The following CNTNAP3B variants were observed in gnomAD, a reference collection of about 807,000 sequenced individuals.
CNTNAP3B encodes contactin associated protein family member 3B.
In CNTNAP3B, 25 loss-of-function variants were observed where a neutral mutation model predicts 108.9. The observed-to-expected ratio is 0.23, with a 90% CI of 0.17 to 0.32. CNTNAP3B has a LOEUF of 0.32. Among genes scored for constraint, CNTNAP3B ranks in the 10% least tolerant of loss-of-function variants. The probability of loss-of-function intolerance (pLI) is 1.00; values close to 1 mark genes in which losing one functional copy is unlikely to be tolerated. For missense variants in CNTNAP3B, 252 were observed against 1,210.4 expected (o/e 0.21, Z 11.75); for synonymous variants, 103 against 473.4 (o/e 0.22, Z 10.16).
intron 16 of CNTNAP3B, among the ~76,000 whole-genome samples, chr9:41,923,573 T>C (rs1312632468): frequency 1.2e-4 from 18 of 152,278 alleles, no homozygotes; most frequent in Non-Finnish European, 1.9e-4. Context: ...ACCAGCCTGG[T>C]CAACATGGCA....
At chr9:41,929,907 C>A (rs1471455584) in intron 14 of CNTNAP3B, among the ~76,000 whole-genome samples, 1 of 152,030 alleles carries the variant, frequency 6.6e-6, no homozygotes, top group East Asian at 1.9e-4. Context: ...GTTATTAATT[C>A]CTGACCCGTT....
chr9:41,932,426 T>G (rs540429970), intron 14 of CNTNAP3B, among the ~76,000 whole-genome samples: 2 of 151,934 alleles, frequency 1.3e-5, no homozygotes, highest in East Asian at 3.9e-4. Context: ...GCCAGGGAAC[T>G]TTATTTAAGG....
chr9:42,079,798 G>T (rs1390001046), intron 2 of CNTNAP3B, among the ~76,000 whole-genome samples: 2 of 138,694 alleles, frequency 1.4e-5, no homozygotes, highest in Non-Finnish European at 3.1e-5. Flanking sequence ...GGGATTACAG[G>T]CATGAGGCAC....
At chr9:42,070,745 T>A (rs1310311251) in intron 3 of CNTNAP3B, among the ~76,000 whole-genome samples, 1 of 152,178 alleles carries the variant, frequency 6.6e-6, no homozygotes, top group Non-Finnish European at 1.5e-5. Flanking sequence ...CTCCAACCTC[T>A]GACCTTCCTT....
intron 1 of CNTNAP3B, among the ~76,000 whole-genome samples, chr9:42,122,742 G>A (rs1358711490): frequency 7.3e-6 from 1 of 137,102 alleles, no homozygotes; most frequent in Non-Finnish European, 1.6e-5. Context: ...CCAACTGGGA[G>A]ACACCTTAAA....
intron 2 of CNTNAP3B, among the ~76,000 whole-genome samples, chr9:42,080,417 T>C (rs1587255854): frequency 7.2e-6 from 1 of 139,566 alleles, no homozygotes; most frequent in South Asian, 2.3e-4. Context: ...CCAGATGCAT[T>C]TTAAGGGTAA....
Position 42,112,752 on chromosome 9 carries a change from A to C in CNTNAP3B, c.86-8013T>G, listed in dbSNP as rs1375220358. The stretch of plus-strand genomic sequence containing the variant: ...GTTTTCAAATGACTTACAGCACTAC[A>C]AATATAAAGTTATAACAACAGTATA... On this transcript the variant is annotated intron_variant, in intron 1 of 23. Transcript: ENST00000377561. 4.4e-5 allele frequency among the ~76,000 whole-genome samples: 6 copies of C among 137,568 alleles called. 1 individual carries two copies. The highest frequency in any genetic ancestry group is 1.5e-4 in the Admixed American group (2 of 13,746). 90.2% of individuals were successfully genotyped at this position (137,568 alleles called of 152,430 possible).
chr9:41,952,570 G>A (rs1373136539), intron 13 of CNTNAP3B, among the ~76,000 whole-genome samples: 4 of 152,200 alleles, frequency 2.6e-5, no homozygotes, highest in Admixed American at 2.0e-4. Flanking sequence ...CTTAGGAGAA[G>A]ACGGTTTTGA....
At chr9:42,041,690 A>C (rs1469738692) in intron 3 of CNTNAP3B, among the ~76,000 whole-genome samples, 1 of 141,928 alleles carries the variant, frequency 7.0e-6, no homozygotes, top group East Asian at 2.1e-4. Flanking sequence ...CAATTCCTCA[A>C]GGATCTAGAA....
In CNTNAP3B at chr9:42,129,264, G is replaced by A. The variant is rs1413774132; in HGVS notation, c.-170C>T. The A allele has an allele frequency of 5.3e-6, 5 of 939,172 alleles. No homozygotes were observed. The highest frequency in any genetic ancestry group is 2.5e-5 in the South Asian group (1 of 39,362). 58.2% of individuals were successfully genotyped at this position (939,172 alleles called of 1,614,324 possible). A position where few individuals can be genotyped will look rare whatever the true frequency, so the allele number is the denominator to read the frequency against. On this transcript the variant is annotated 5_prime_UTR_variant, in exon 1 of 24. Transcript: ENST00000377561. Reference sequence around the variant, plus strand: ...TCACGCACTGGCAGCCTCCCTCGGCGCTGCAGACCCTCCCGCCAAGCCGCG... The same window carrying A: ...TCACGCACTGGCAGCCTCCCTCGGCACTGCAGACCCTCCCGCCAAGCCGCG...
At chr9:42,110,376 G>T (rs1828171810) in intron 1 of CNTNAP3B, among the ~76,000 whole-genome samples, 1 of 137,266 alleles carries the variant, frequency 7.3e-6, no homozygotes, top group Admixed American at 7.3e-5. Flanking sequence ...GGAACCTAAG[G>T]ATGGAAGGAG....
intron 1 of CNTNAP3B, among the ~76,000 whole-genome samples, chr9:42,122,186 T>C (rs1828477512): frequency 7.1e-6 from 1 of 140,154 alleles, no homozygotes; most frequent in Non-Finnish European, 1.5e-5. Context: ...CTTATTTTTA[T>C]ATATGAAGAA....
chr9:41,929,215 C>A, intron 15 of CNTNAP3B, 102 bp downstream of exon 15: 1 of 1,430,710 alleles, frequency 7.0e-7, no homozygotes, highest in East Asian at 2.6e-5. Flanking sequence ...AGTCCTAGTA[C>A]TGCCACTATT....
intron 15 of CNTNAP3B, among the ~76,000 whole-genome samples, chr9:41,928,507 T>C (rs1823881697): frequency 6.6e-6 from 1 of 152,104 alleles, no homozygotes; most frequent in Non-Finnish European, 1.5e-5. Context: ...GCCTACACGA[T>C]TGGCTACAGA....
intron 12 of CNTNAP3B, chr9:41,959,945 G>T (rs1176918201): frequency 1.3e-5 from 2 of 152,230 alleles, no homozygotes; most frequent in African/African-American, 4.8e-5. Flanking sequence ...CTATTTAAAA[G>T]GCGTTCTAGT....
Position 41,986,186 on chromosome 9 carries a change from C to A in CNTNAP3B, c.1459G>T (p.Asp487Tyr). 8.8e-7 allele frequency: 1 copy of A among 1,130,268 alleles called. No individual in the cohort carries two copies. 70.0% of individuals were successfully genotyped at this position (1,130,268 alleles called of 1,614,324 possible). A position where few individuals can be genotyped will look rare whatever the true frequency, so the allele number is the denominator to read the frequency against. Residue 487 changes from aspartate (D) to tyrosine (Y), a missense_variant, in exon 9 of 24, where the codon GAC becomes TAC. Asp to Tyr is a radical substitution (Grantham distance 160). Transcript: ENST00000377561. The stretch of plus-strand genomic sequence containing the variant: ...CTCTTACCTCCAAAATAATAGGTGT[C>A]ACCTGAATCAATGAGCACAGCCACC... ...PLVAVLIDSGDTYYFGGCLGN... is the reference protein window; with the variant it reads ...PLVAVLIDSGYTYYFGGCLGN...
chr9:42,125,802 G>C (rs1172033194), intron 1 of CNTNAP3B, among the ~76,000 whole-genome samples: 1 of 131,258 alleles, frequency 7.6e-6, no homozygotes, highest in East Asian at 2.3e-4. Flanking sequence ...ATTTTTAGTA[G>C]AGGCAGGGTT....
At chr9:41,950,761 T>A (rs1824652370) in intron 13 of CNTNAP3B, among the ~76,000 whole-genome samples, 1 of 135,556 alleles carries the variant, frequency 7.4e-6, no homozygotes, top group Non-Finnish European at 1.5e-5. Flanking sequence ...TTTTTTTTTT[T>A]TTTTTTTTTT....
At position 42,110,615 on chromosome 9, in the gene CNTNAP3B, C is replaced by T. The variant is rs1319904579; in HGVS notation, c.86-5876G>A. Among the ~76,000 whole-genome samples the T allele has an allele frequency of 7.3e-5, 10 of 137,540 alleles. 2 individuals carry two copies. Among genetic ancestry groups the T allele is most frequent in the Admixed American group, 7.2e-4 (10 of 13,810 alleles). The allele number at this position is 137,540 out of a possible 152,430, so 90.2% of individuals were successfully genotyped here. On this transcript the variant is annotated intron_variant, in intron 1 of 23. Coordinates refer to ENST00000377561, the MANE Select transcript of CNTNAP3B (RefSeq NM_001201380.3). ...TCAAATTCACTAACTCCACAGCAGG[C>T]TTCTCTCTGGTTCCACATATTGAGT...
Sources: allele counts gnomAD v4.1 joint callset (sites outside exome capture counted in the v4.1 genomes callset), GRCh38; gene constraint gnomAD v4.1.1; transcripts MANE v1.5; gene names NCBI Gene and HGNC (gene_info 2026-07-23, HGNC 2026-07-21).